DPY19L2: variants seen among roughly 807,000 people sequenced by gnomAD.
The protein encoded by DPY19L2 is dpy-19 like 2, also known as probable C-mannosyltransferase DPY19L2.
DPY19L2 carries 34 observed loss-of-function variants against 97.9 expected under a neutral mutation model. That is an observed-to-expected ratio of 0.35 (90% CI 0.26 to 0.46). DPY19L2 has a LOEUF of 0.46. Among genes scored for constraint, DPY19L2 ranks in the 20% least tolerant of loss-of-function variants. The pLI is 1.00. For missense variants in DPY19L2, 623 were observed against 911.4 expected (o/e 0.68, Z 4.07); for synonymous variants, 230 against 307.9 (o/e 0.75, Z 2.65).
chr12:63,647,278 T>G lies in DPY19L2; in HGVS notation c.676A>C (p.Ile226Leu), dbSNP rs1893539034. ...ETKTCWNVTR[I>L]EPLNEVQSCE... is the part of the protein sequence containing the mutation. ...CTTTGAACTTCATTAAGAGGTTCTA[T>G]TCTGGTGACATTCCAGCAGGTCTTA... The change falls in exon 5 of 22, where the codon ATA becomes CTA. Residue 226 changes from isoleucine to leucine, a missense_variant. This residue lies in a region of DPY19L2 where 27 missense variants were observed against 77.5 expected (regional missense o/e 0.35). Transcript: ENST00000324472. 1 of 1,586,074 alleles carries G rather than the reference T, an allele frequency of 6.3e-7. No individual in the cohort carries two copies. The highest frequency in any genetic ancestry group is 1.8e-5 in the Admixed American group (1 of 56,672).
chr12:63,567,935 G>A (rs1181710556), intron 21 of DPY19L2, among the ~76,000 whole-genome samples: 4 of 151,592 alleles, frequency 2.6e-5, no homozygotes, highest in South Asian at 2.1e-4. Context: ...TGATTTTACC[G>A]TTGTGACTAT....
intron 19 of DPY19L2, among the ~76,000 whole-genome samples, chr12:63,576,437 T>C (rs1047247814): frequency 6.6e-6 from 1 of 151,796 alleles, no homozygotes; most frequent in Non-Finnish European, 1.5e-5. Flanking sequence ...CTGGAAATCC[T>C]AAATAGAGCA....
At chr12:63,632,620 G>A (rs1373985629) in intron 6 of DPY19L2, among the ~76,000 whole-genome samples, 11 of 152,072 alleles carry the variant, frequency 7.2e-5, no homozygotes, top group South Asian at 6.2e-4. Context: ...AATCAATATC[G>A]TGAAAATGGC....
chr12:63,571,966 G>C (rs1318160248), intron 19 of DPY19L2, among the ~76,000 whole-genome samples: 1 of 152,132 alleles, frequency 6.6e-6, no homozygotes, highest in Non-Finnish European at 1.5e-5. Context: ...AGGAGGTGGA[G>C]CATGATGACC....
chr12:63,591,861 G>A (rs867384305), intron 16 of DPY19L2, among the ~76,000 whole-genome samples: 14 of 150,282 alleles, frequency 9.3e-5, no homozygotes, highest in Admixed American at 4.0e-4. Context: ...AGATGATCGC[G>A]TGAGTCCGGG....
At chr12:63,602,014 A>T (rs1885269130) in intron 12 of DPY19L2, among the ~76,000 whole-genome samples, 1 of 152,194 alleles carries the variant, frequency 6.6e-6, no homozygotes, top group South Asian at 2.1e-4. Flanking sequence ...TTCTTTAAGA[A>T]GATAACAAAC....
intron 5 of DPY19L2, among the ~76,000 whole-genome samples, chr12:63,645,769 C>T (rs1320009689): frequency 1.3e-5 from 2 of 152,116 alleles, no homozygotes; most frequent in Non-Finnish European, 2.9e-5. Context: ...ATTATCTTTC[C>T]TGCAATCACT....
chr12:63,616,638 C>T (rs1025637287), intron 11 of DPY19L2, among the ~76,000 whole-genome samples: 3 of 152,122 alleles, frequency 2.0e-5, no homozygotes, highest in African/African-American at 7.2e-5. Context: ...CTTCCAAACA[C>T]ATATCCAAAA....
At chr12:63,626,847 C>G (rs1360733156) in intron 6 of DPY19L2, among the ~76,000 whole-genome samples, 1 of 152,078 alleles carries the variant, frequency 6.6e-6, no homozygotes, top group Non-Finnish European at 1.5e-5. Flanking sequence ...GTCGAAATCT[C>G]AGCTTACAGC....
intron 19 of DPY19L2, among the ~76,000 whole-genome samples, chr12:63,575,909 T>C (rs1879724835): frequency 6.6e-6 from 1 of 151,826 alleles, no homozygotes; most frequent in Non-Finnish European, 1.5e-5. Context: ...TTCCAGGAAA[T>C]AGAGGAAGAG....
intron 12 of DPY19L2, among the ~76,000 whole-genome samples, chr12:63,606,088 T>C (rs1176127938): frequency 6.6e-6 from 1 of 152,176 alleles, no homozygotes; most frequent in African/African-American, 2.4e-5. Context: ...TTTCTGTTTG[T>C]TGCCAAAGAA....
intron 5 of DPY19L2, 150 bp from the exon 6 acceptor site, chr12:63,644,646 T>C: frequency 7.9e-7 from 1 of 1,262,122 alleles, no homozygotes; most frequent in East Asian, 2.6e-5. Context: ...TTATTTACCC[T>C]TATAAGAGTT....
intron 11 of DPY19L2, among the ~76,000 whole-genome samples, chr12:63,614,186 G>A (rs11837492): frequency 0.012 from 1,070 of 89,468 alleles, 21 homozygotes; most frequent in African/African-American, 0.041. Context: ...GCGAAACTCC[G>A]TCTCAAAAAA....
rs753163913 is a variant in DPY19L2, at chr12:63,665,879, G to C, written c.338-20C>G. On this transcript the variant is annotated intron_variant, in intron 1 of 21. Transcript: ENST00000324472. ...AGACAGCTGGAATAAAGAAAAAAAG[G>C]AAAGTCATTAATAGCTGCTTTATTA... 1.3e-5 allele frequency: 21 copies of C among 1,577,812 alleles called. No homozygotes were observed. The highest frequency in any genetic ancestry group is 4.5e-4 in the Middle Eastern group (2 of 4,396).
chr12:63,596,946 G>A (rs893235134), intron 14 of DPY19L2, among the ~76,000 whole-genome samples: 12 of 151,722 alleles, frequency 7.9e-5, no homozygotes, highest in African/African-American at 2.9e-4. Flanking sequence ...CTGATCTTGT[G>A]TTCCATGATT....
rs1245563037 is a variant in DPY19L2 at position 63,600,405 on chromosome 12, G to A, written c.1279-19C>T. The A allele has an allele frequency of 6.7e-7, 1 of 1,499,966 alleles. No homozygotes were observed. The highest frequency in any genetic ancestry group is 1.1e-5 in the South Asian group (1 of 87,750). 92.9% of individuals were successfully genotyped at this position (1,499,966 alleles called of 1,614,324 possible). On this transcript the variant is annotated intron_variant, in intron 12 of 21. Transcript: ENST00000324472. ...GAATTAGCTAGAAAATAAAATAGAA[G>A]TCCAGTATTTAAAACTACAAATCAC...
chr12:63,614,585 C>T (rs1592576769), intron 11 of DPY19L2, among the ~76,000 whole-genome samples: 1 of 152,102 alleles, frequency 6.6e-6, no homozygotes, highest in African/African-American at 2.4e-5. Flanking sequence ...TAGCAATTCT[C>T]ATGCACACAC....
At chr12:63,634,588 C>A (rs1332085103) in intron 6 of DPY19L2, among the ~76,000 whole-genome samples, 2 of 152,154 alleles carry the variant, frequency 1.3e-5, no homozygotes, top group Non-Finnish European at 2.9e-5. Flanking sequence ...CACCCTAATA[C>A]GGCACTTTTC....
intron 4 of DPY19L2, among the ~76,000 whole-genome samples, chr12:63,660,200 C>CATGT (rs1300577718): frequency 1.3e-4 from 20 of 151,856 alleles, no homozygotes; most frequent in Admixed American, 1.3e-3. Context: ...AAATATTGCA[C>CATGT]ATATACAGAA....
Sources: gnomAD v4.1 joint callset for allele counts (sites outside exome capture counted in the v4.1 genomes callset) on GRCh38, gnomAD v4.1.1 for gene constraint, gnomAD v4.1.1 regional missense constraint, MANE v1.5 for transcripts, NCBI Gene and HGNC (gene_info 2026-07-23, HGNC 2026-07-21) for gene names.